The following TRAPPC9 variants were observed in gnomAD, a reference collection of about 807,000 sequenced individuals.
The protein encoded by TRAPPC9 is trafficking protein particle complex subunit 9.
In TRAPPC9, 83 loss-of-function variants were observed where a neutral mutation model predicts 124.0. The observed-to-expected ratio is 0.67, with a 90% CI of 0.56 to 0.80. TRAPPC9 has a LOEUF of 0.80. Ranked by LOEUF, TRAPPC9 falls within the 30% of genes least tolerant of loss-of-function variation. The probability of loss-of-function intolerance (pLI) is 0.00; values close to 1 mark genes in which losing one functional copy is unlikely to be tolerated. For missense variants in TRAPPC9, 1,302 were observed against 1,508.3 expected (o/e 0.86, Z 2.27); for synonymous variants, 638 against 617.5 (o/e 1.03, Z -0.49).
intron 20 of TRAPPC9, among the ~76,000 whole-genome samples, chr8:139,893,458 C>T (rs548538959): frequency 2.0e-5 from 3 of 152,328 alleles, no homozygotes; most frequent in East Asian, 1.9e-4. Flanking sequence ...CTCTTTCGAG[C>T]GTGATCCAGC....
rs763680891 is a variant in TRAPPC9 at position 139,764,758 on chromosome 8, G to C, written c.3056-32556C>G. On this transcript the variant is annotated intron_variant, in intron 21 of 22. Transcript: ENST00000438773. ...ACAGCTGGATCTGGATCAGTGAGGC[G>C]ACCGGCTAGAGGAGGTGACCCCTAC... Among the ~76,000 whole-genome samples, 5 of 152,240 alleles carry C rather than the reference G, an allele frequency of 3.3e-5. No homozygotes were observed. In the East Asian group the frequency reaches 9.7e-4, roughly 29 times the overall value.
intron 17 of TRAPPC9, among the ~76,000 whole-genome samples, chr8:140,109,854 G>A (rs1039635425): frequency 6.6e-6 from 1 of 152,192 alleles, no homozygotes; most frequent in Admixed American, 6.5e-5. Flanking sequence ...CCTGTTTCCT[G>A]GTCTGATGAA....
intron 21 of TRAPPC9, among the ~76,000 whole-genome samples, chr8:139,782,398 A>G (rs1821895843): frequency 6.6e-6 from 1 of 152,244 alleles, no homozygotes; most frequent in Non-Finnish European, 1.5e-5. Flanking sequence ...AAAAAGGTAT[A>G]TCATGTTAAT....
intron 20 of TRAPPC9, among the ~76,000 whole-genome samples, chr8:139,891,134 G>A (rs1381059626): frequency 2.0e-5 from 3 of 152,174 alleles, no homozygotes; most frequent in African/African-American, 7.2e-5. Context: ...TTATGAGCAG[G>A]GCATTGCAGG....
chr8:140,106,702 C>T (rs2060673183), intron 17 of TRAPPC9, among the ~76,000 whole-genome samples: 1 of 152,138 alleles, frequency 6.6e-6, no homozygotes, highest in Non-Finnish European at 1.5e-5. Context: ...GCCATTTCAC[C>T]TCTGAGACTC....
chr8:140,427,465 AG>A (rs1259005574), intron 4 of TRAPPC9, among the ~76,000 whole-genome samples: 3 of 152,142 alleles, frequency 2.0e-5, no homozygotes, highest in Middle Eastern at 3.2e-3. Context: ...TTTAGAAGGT[AG>A]CTTTGTAGTT....
intron 19 of TRAPPC9, among the ~76,000 whole-genome samples, chr8:139,963,386 G>A (rs13266729): frequency 0.37 from 56,303 of 151,974 alleles, 11,716 homozygotes; most frequent in Non-Finnish European, 0.47. Flanking sequence ...GGATGGCTGA[G>A]GTGTAGAGGA....
At chr8:139,846,336 G>C (rs1320623573) in intron 21 of TRAPPC9, among the ~76,000 whole-genome samples, 2 of 152,172 alleles carry the variant, frequency 1.3e-5, no homozygotes, top group African/African-American at 4.8e-5. Flanking sequence ...CGGGAGGGTG[G>C]GGATCAGGAT....
chr8:140,173,553 CAAAAAAAA>C, intron 17 of TRAPPC9, among the ~76,000 whole-genome samples: 4 of 59,796 alleles, frequency 6.7e-5, no homozygotes, highest in South Asian at 1.2e-3. Flanking sequence ...GACTCTGTCT[CAAAAAAAA>C]AAAAAAAAAA....
intron 21 of TRAPPC9, among the ~76,000 whole-genome samples, chr8:139,872,317 T>A (rs1181753578): frequency 6.9e-6 from 1 of 145,654 alleles, no homozygotes; most frequent in East Asian, 2.1e-4. Flanking sequence ...GGTGGGTAAA[T>A]GGTTGGATGA....
At chr8:139,895,493 G>A (rs1830610409) in intron 20 of TRAPPC9, among the ~76,000 whole-genome samples, 1 of 152,186 alleles carries the variant, frequency 6.6e-6, no homozygotes, top group Non-Finnish European at 1.5e-5. Flanking sequence ...AGGTGGAGAA[G>A]GAAAAGGGAA....
intron 21 of TRAPPC9, among the ~76,000 whole-genome samples, chr8:139,859,129 A>G (rs919052798): frequency 1.3e-5 from 2 of 151,602 alleles, no homozygotes; most frequent in Non-Finnish European, 2.9e-5. Context: ...TTACTCCTCC[A>G]GCCCCCCGGT....
intron 19 of TRAPPC9, among the ~76,000 whole-genome samples, chr8:139,941,372 G>A (rs2131445063): frequency 1.3e-5 from 2 of 152,342 alleles, no homozygotes; most frequent in Admixed American, 1.3e-4. Flanking sequence ...GGGCTGAGAT[G>A]CTGCCCCAAT....
chr8:139,991,589 T>C (rs1278879428), intron 18 of TRAPPC9, among the ~76,000 whole-genome samples: 2 of 70,528 alleles, frequency 2.8e-5, no homozygotes, highest in East Asian at 6.4e-4. Context: ...TTTGGGTTTG[T>C]TTTTTTTTTT....
intron 7 of TRAPPC9, among the ~76,000 whole-genome samples, chr8:140,395,167 T>C (rs1025242183): frequency 6.6e-6 from 1 of 152,204 alleles, no homozygotes; most frequent in Admixed American, 6.5e-5. Context: ...GATGACACAC[T>C]GCCCCAGCGG....
chr8:140,441,941 G>A (rs1037978459), intron 2 of TRAPPC9, among the ~76,000 whole-genome samples: 2 of 152,138 alleles, frequency 1.3e-5, no homozygotes, highest in African/African-American at 2.4e-5. Context: ...GGCAGAGGCA[G>A]GAGGATCACT....
rs192498208 is a variant in TRAPPC9 at position 139,987,304 on chromosome 8, T to C, written c.2810+1422A>G. Among the ~76,000 whole-genome samples the C allele has an allele frequency of 2.4e-4, 36 of 152,298 alleles. No homozygotes were observed. In the East Asian group the frequency reaches 3.7e-3, roughly 16 times the overall value. The stretch of plus-strand genomic sequence containing the variant: ...GGGCAAAGGGTAAGTGTATGTTTAA[T>C]TTTACAGGATAGCCCCAGACCTTTT... On this transcript the variant is annotated intron_variant, in intron 19 of 22. Transcript: ENST00000438773.
chr8:139,945,543 C>CAA (rs61528944), intron 19 of TRAPPC9, among the ~76,000 whole-genome samples: 58 of 66,168 alleles, frequency 8.8e-4, no homozygotes, highest in Non-Finnish European at 1.2e-3. Context: ...GCACAATTAG[C>CAA]AAAAAAAAAA....
chr8:140,298,625 C>G (rs1383715452), intron 11 of TRAPPC9, among the ~76,000 whole-genome samples: 1 of 151,718 alleles, frequency 6.6e-6, no homozygotes, highest in Non-Finnish European at 1.5e-5. Flanking sequence ...GCACTTCAGC[C>G]TGGGTGACAG....
Sources: allele counts gnomAD v4.1 joint callset (sites outside exome capture counted in the v4.1 genomes callset), GRCh38; gene constraint gnomAD v4.1.1; transcripts MANE v1.5; gene names NCBI Gene and HGNC (gene_info 2026-07-23, HGNC 2026-07-21).